The following MSRB3 variants were observed in gnomAD, a reference collection of about 807,000 sequenced individuals.
The protein encoded by MSRB3 is methionine sulfoxide reductase B3.
In MSRB3, 13 loss-of-function variants were observed where a neutral mutation model predicts 21.0. That is an observed-to-expected ratio of 0.62 (90% CI 0.40 to 0.98). The LOEUF (loss-of-function observed/expected upper bound fraction) is 0.98, where lower values mean the gene tolerates loss of function less well. MSRB3 is among the 50% of genes least tolerant of loss of function. The pLI, the probability that MSRB3 is intolerant of heterozygous loss-of-function variation, is 0.00. For missense variants in MSRB3, 199 were observed against 230.3 expected (o/e 0.86, Z 0.88); for synonymous variants, 87 against 88.6 (o/e 0.98, Z 0.10).
chr12:65,281,718 G>C (rs552965188), intron 1 of MSRB3: 7 of 152,302 alleles, frequency 4.6e-5, no homozygotes, highest in African/African-American at 1.2e-4. Context: ...TTGTTATTTA[G>C]GTCTGGGTTA....
rs1163110275 is a variant in MSRB3, at chr12:65,463,880, A to G, written c.*558A>G. On this transcript the variant is annotated 3_prime_UTR_variant, in exon 7 of 7. Coordinates refer to ENST00000308259, the MANE Select transcript of MSRB3 (RefSeq NM_001031679.3). The stretch of plus-strand genomic sequence containing the variant: ...GTGTGAAGGTCTAAAGTCTTTCCTT[A>G]TGTTAAATTGTTGCCAGATCCAAAG... The G allele has an allele frequency of 6.5e-6, 1 of 154,394 alleles. No homozygotes were observed. The highest frequency in any genetic ancestry group is 1.4e-5 in the Non-Finnish European group (1 of 69,950). The allele number at this position is 154,394 out of a possible 1,614,324, so 9.6% of individuals were successfully genotyped here. A position where few individuals can be genotyped will look rare whatever the true frequency, so the allele number is the denominator to read the frequency against.
At chr12:65,442,122 A>C (rs1230358194) in intron 5 of MSRB3, among the ~76,000 whole-genome samples, 1 of 152,068 alleles carries the variant, frequency 6.6e-6, no homozygotes. Context: ...GATTTATGAA[A>C]ACAGGGAAAT....
At chr12:65,422,387 A>AATATAT (rs1565884963) in intron 5 of MSRB3, among the ~76,000 whole-genome samples, 1 of 88,132 alleles carries the variant, frequency 1.1e-5, no homozygotes, top group Admixed American at 1.5e-4. Context: ...GGGAGTACAT[A>AATATAT]GTATATATAT....
At chr12:65,326,539 T>C (rs1875043988) in intron 2 of MSRB3, among the ~76,000 whole-genome samples, 2 of 152,222 alleles carry the variant, frequency 1.3e-5, no homozygotes, top group Admixed American at 1.3e-4. Context: ...CTGGGAGTTA[T>C]AAAGCATGTA....
chr12:65,301,739 A>G (rs1182193330), intron 1 of MSRB3, among the ~76,000 whole-genome samples: 1 of 151,940 alleles, frequency 6.6e-6, no homozygotes, highest in Non-Finnish European at 1.5e-5. Flanking sequence ...TGATAACAAA[A>G]GAATAAAACA....
At chr12:65,447,076 T>C (rs149386119) in intron 5 of MSRB3, among the ~76,000 whole-genome samples, 50 of 152,282 alleles carry the variant, frequency 3.3e-4, no homozygotes, top group African/African-American at 1.2e-3. Context: ...GAGTAAACCA[T>C]TCCCCATTGA....
chr12:65,396,982 T>C (rs1207086231), intron 5 of MSRB3, among the ~76,000 whole-genome samples: 1 of 152,194 alleles, frequency 6.6e-6, no homozygotes, highest in Non-Finnish European at 1.5e-5. Flanking sequence ...ACTATAATAA[T>C]GGATTTGTCT....
At chr12:65,345,851 T>TG (rs1264512515) in intron 4 of MSRB3, among the ~76,000 whole-genome samples, 1 of 152,078 alleles carries the variant, frequency 6.6e-6, no homozygotes, top group Non-Finnish European at 1.5e-5. Flanking sequence ...TTTGTCCTTG[T>TG]GATAGTTTGC....
intron 1 of MSRB3, among the ~76,000 whole-genome samples, chr12:65,301,695 A>G (rs1233427759): frequency 6.6e-6 from 1 of 152,232 alleles, no homozygotes; most frequent in East Asian, 1.9e-4. Context: ...TTTCGTTGAT[A>G]TGGTTTCAGA....
intron 1 of MSRB3, among the ~76,000 whole-genome samples, chr12:65,302,654 A>C (rs1873405888): frequency 6.6e-6 from 1 of 152,214 alleles, no homozygotes; most frequent in African/African-American, 2.4e-5. Flanking sequence ...CAATCACAAA[A>C]GGATCTCTGT....
At chr12:65,350,126 A>T (rs1430351357) in intron 4 of MSRB3, among the ~76,000 whole-genome samples, 1 of 151,876 alleles carries the variant, frequency 6.6e-6, no homozygotes, top group Non-Finnish European at 1.5e-5. Context: ...CTATCTACAT[A>T]TGGCTAGCCA....
intron 6 of MSRB3, among the ~76,000 whole-genome samples, chr12:65,462,383 A>G (rs953733616): frequency 6.6e-6 from 1 of 152,144 alleles, no homozygotes; most frequent in Non-Finnish European, 1.5e-5. Flanking sequence ...ATTTCTCTCA[A>G]ACACCAACAT....
intron 5 of MSRB3, 114 bp from the exon 6 acceptor site, chr12:65,453,614 T>A: frequency 1.2e-6 from 1 of 828,840 alleles, no homozygotes; most frequent in Non-Finnish European, 2.0e-6. Context: ...GTTGAAAAGT[T>A]AAACATACAC....
chr12:65,397,454 A>G (rs188110357), intron 5 of MSRB3, among the ~76,000 whole-genome samples: 1 of 152,132 alleles, frequency 6.6e-6, no homozygotes, highest in African/African-American at 2.4e-5. Context: ...TACATCTGTC[A>G]TTGTATTTTG....
chr12:65,324,386 G>A (rs894497230), intron 2 of MSRB3, among the ~76,000 whole-genome samples: 1 of 152,172 alleles, frequency 6.6e-6, no homozygotes, highest in Admixed American at 6.5e-5. Context: ...CCATTAAAAC[G>A]AGGTCTCTGT....
intron 4 of MSRB3, among the ~76,000 whole-genome samples, chr12:65,335,023 TTATC>T (rs1403924671): frequency 6.6e-6 from 1 of 152,144 alleles, no homozygotes; most frequent in Non-Finnish European, 1.5e-5. Flanking sequence ...CCCTTCATCT[TTATC>T]AAACAATCAG....
intron 2 of MSRB3, among the ~76,000 whole-genome samples, chr12:65,310,862 G>C (rs1218342042): frequency 6.6e-6 from 1 of 152,216 alleles, no homozygotes; most frequent in Non-Finnish European, 1.5e-5. Flanking sequence ...GTGTGCCTTA[G>C]CTTCCTTGTT....
intron 5 of MSRB3, among the ~76,000 whole-genome samples, chr12:65,385,207 A>T (rs1273183612): frequency 6.6e-6 from 1 of 152,020 alleles, no homozygotes; most frequent in Non-Finnish European, 1.5e-5. Context: ...TTGGTGGGAG[A>T]AGGAGGAGGA....
intron 5 of MSRB3, among the ~76,000 whole-genome samples, chr12:65,414,457 G>C (rs1303974598): frequency 6.6e-6 from 1 of 152,000 alleles, no homozygotes; most frequent in Non-Finnish European, 1.5e-5. Context: ...TCTATGTTTA[G>C]ATATGTTTAG....
Sources: allele counts gnomAD v4.1 joint callset (sites outside exome capture counted in the v4.1 genomes callset), GRCh38; gene constraint gnomAD v4.1.1; transcripts MANE v1.5; gene names NCBI Gene and HGNC (gene_info 2026-07-23, HGNC 2026-07-21).